CNTN6: variants seen among roughly 807,000 people sequenced by gnomAD.
CNTN6 encodes contactin 6, also known as contactin-6.
A neutral mutation model predicts 122.8 loss-of-function variants in CNTN6; 137 were observed. The observed-to-expected ratio is 1.12, with a 90% confidence interval of 0.97 to 1.29. The LOEUF (loss-of-function observed/expected upper bound fraction) is 1.29. Ranked by LOEUF, CNTN6 falls within the 50% of genes most tolerant of loss-of-function variation. The pLI, the probability that CNTN6 is intolerant of heterozygous loss-of-function variation, is 0.00. For missense variants in CNTN6, 1,634 were observed against 1,223.4 expected (o/e 1.34, Z -5.01); for synonymous variants, 570 against 426.0 (o/e 1.34, Z -4.16).
intron 4 of CNTN6, among the ~76,000 whole-genome samples, chr3:1,271,120 C>T (rs767588098): frequency 4.6e-5 from 7 of 152,176 alleles, no homozygotes; most frequent in Admixed American, 6.5e-5. Flanking sequence ...TCATGTGATC[C>T]GCCCACCTTG....
chr3:1,295,644 C>G lies in CNTN6; in HGVS notation c.498C>G (p.Val166=). The change falls in exon 6 of 23, where the codon GTC becomes GTG. Residue 166 remains valine (V), a synonymous_variant. Transcript: ENST00000446702. ...AWTFNDNPLY[V]QEDNRRFVSQ... ...CCTTCAATGATAACCCCTTATACGT[C>G]CAAGAGGACAATAGGCGATTTGTAT... 6.2e-7 allele frequency: 1 copy of G among 1,613,858 alleles called. No homozygotes were observed. The highest frequency in any genetic ancestry group is 8.5e-7 in the Non-Finnish European group (1 of 1,179,902).
intron 1 of CNTN6, among the ~76,000 whole-genome samples, chr3:1,100,243 T>G (rs1157834157): frequency 6.6e-6 from 1 of 152,190 alleles, no homozygotes. Flanking sequence ...ATCGCTTATG[T>G]TAGTCACATT....
chr3:1,119,178 C>A (rs182333534), intron 1 of CNTN6, among the ~76,000 whole-genome samples: 2 of 150,414 alleles, frequency 1.3e-5, no homozygotes, highest in African/African-American at 4.9e-5. Flanking sequence ...CTATTAGTAA[C>A]GTAGTGATTT....
At chr3:1,224,233 G>T (rs1055744840) in intron 3 of CNTN6, among the ~76,000 whole-genome samples, 1 of 152,108 alleles carries the variant, frequency 6.6e-6, no homozygotes, top group East Asian at 1.9e-4. Flanking sequence ...TAGAAGTAGA[G>T]TGTAGAATGG....
chr3:1,135,238 G>A (rs1033659990), intron 1 of CNTN6, among the ~76,000 whole-genome samples: 4 of 151,884 alleles, frequency 2.6e-5, no homozygotes, highest in East Asian at 1.9e-4. Flanking sequence ...CCTCTCTTTT[G>A]CAGAGAAATT....
intron 1 of CNTN6, among the ~76,000 whole-genome samples, chr3:1,103,884 T>C (rs113315946): frequency 0.052 from 7,923 of 152,218 alleles, 685 homozygotes; most frequent in African/African-American, 0.18. Flanking sequence ...TATTTTCTTT[T>C]ATGATTTTTT....
intron 2 of CNTN6, among the ~76,000 whole-genome samples, chr3:1,207,979 A>C (rs2093980836): frequency 6.6e-6 from 1 of 151,810 alleles, no homozygotes; most frequent in South Asian, 2.1e-4. Flanking sequence ...CCTCACATCA[A>C]ATCATTTATA....
chr3:1,134,402 C>T (rs548692163), intron 1 of CNTN6, among the ~76,000 whole-genome samples: 1 of 152,076 alleles, frequency 6.6e-6, no homozygotes, highest in Admixed American at 6.6e-5. Flanking sequence ...CTACAGTGTG[C>T]TCTGTGGAAC....
chr3:1,331,680 A>G (rs1305932497), intron 11 of CNTN6, among the ~76,000 whole-genome samples: 1 of 151,952 alleles, frequency 6.6e-6, no homozygotes, highest in Non-Finnish European at 1.5e-5. Context: ...GTCTGGACAA[A>G]TTGATTAACT....
intron 4 of CNTN6, among the ~76,000 whole-genome samples, chr3:1,267,322 A>T (rs1402128909): frequency 6.6e-6 from 1 of 152,052 alleles, no homozygotes; most frequent in African/African-American, 2.4e-5. Flanking sequence ...AGTAGTCCCT[A>T]TTCAATAAAA....
At chr3:1,263,725 G>A (rs937927686) in intron 4 of CNTN6, among the ~76,000 whole-genome samples, 3 of 151,888 alleles carry the variant, frequency 2.0e-5, no homozygotes, top group Non-Finnish European at 4.4e-5. Context: ...TGCAAACACT[G>A]AACTCGCGGG....
At chr3:1,322,335 A>G (rs1366405061) in intron 8 of CNTN6, among the ~76,000 whole-genome samples, 3 of 151,776 alleles carry the variant, frequency 2.0e-5, no homozygotes, top group Non-Finnish European at 2.9e-5. Flanking sequence ...TGTTTGTCTC[A>G]GTTACAAAAA....
At chr3:1,122,182 A>G in intron 1 of CNTN6, among the ~76,000 whole-genome samples, 1 of 152,074 alleles carries the variant, frequency 6.6e-6, no homozygotes, top group Middle Eastern at 3.4e-3. Context: ...AATTTAATTT[A>G]TATTGTCCCT....
chr3:1,158,969 C>CATATATAT (rs147254743), intron 2 of CNTN6, among the ~76,000 whole-genome samples: 3 of 112,968 alleles, frequency 2.7e-5, no homozygotes, highest in African/African-American at 1.1e-4. Flanking sequence ...CACACACACA[C>CATATATAT]ATATATATAT....
intron 5 of CNTN6, among the ~76,000 whole-genome samples, chr3:1,283,877 G>A (rs1024047261): frequency 1.3e-5 from 2 of 152,150 alleles, no homozygotes; most frequent in Non-Finnish European, 2.9e-5. Flanking sequence ...GCAGGCGCCT[G>A]TAATCCCAGC....
At chr3:1,160,344 G>GTATGTATATATATA (rs1158623079) in intron 2 of CNTN6, among the ~76,000 whole-genome samples, 3 of 111,132 alleles carry the variant, frequency 2.7e-5, no homozygotes, top group Non-Finnish European at 5.4e-5. Context: ...TACTTTTACT[G>GTATGTATATATATA]TATATATATA....
chr3:1,325,014 G>A (rs1461811797), intron 8 of CNTN6, among the ~76,000 whole-genome samples: 5 of 139,646 alleles, frequency 3.6e-5, no homozygotes, highest in African/African-American at 1.3e-4. Context: ...ATAAAGGAGA[G>A]GGATTAATTG....
At chr3:1,389,331 G>GAAAT (rs1196532997) in intron 20 of CNTN6, among the ~76,000 whole-genome samples, 2 of 152,104 alleles carry the variant, frequency 1.3e-5, no homozygotes, top group East Asian at 3.9e-4. Context: ...AAGTGAAGGA[G>GAAAT]AAATAAAATA....
chr3:1,293,843 C>A (rs1181079468), intron 5 of CNTN6, among the ~76,000 whole-genome samples: 1 of 152,170 alleles, frequency 6.6e-6, no homozygotes, highest in East Asian at 1.9e-4. Flanking sequence ...TACCTAGTTT[C>A]CGCAGTACAC....
Sources: gnomAD v4.1 joint callset for allele counts (sites outside exome capture counted in the v4.1 genomes callset) on GRCh38, gnomAD v4.1.1 for gene constraint, MANE v1.5 for transcripts, NCBI Gene and HGNC (gene_info 2026-07-23, HGNC 2026-07-21) for gene names.